Variants in CDH11 observed in about 807,000 individuals in gnomAD.
The protein encoded by CDH11 is cadherin 11.
Under a neutral mutation model 67.8 loss-of-function variants are expected in CDH11, and 11 were observed. The ratio of observed to expected loss-of-function variants is 0.16; its 90% CI spans 0.10 to 0.27. The LOEUF is 0.27. Ranked by LOEUF, CDH11 falls within the 10% of genes least tolerant of loss-of-function variation. The probability of loss-of-function intolerance (pLI) is 1.00; values close to 1 mark genes in which losing one functional copy is unlikely to be tolerated. For synonymous variants in CDH11, 419 were observed against 400.0 expected (o/e 1.05, Z -0.57); for missense variants, 847 against 1,031.2 (o/e 0.82, Z 2.45).
At chr16:65,022,371 T>C (rs1432778868) in intron 2 of CDH11, among the ~76,000 whole-genome samples, 1 of 152,144 alleles carries the variant, frequency 6.6e-6, no homozygotes, top group African/African-American at 2.4e-5. Flanking sequence ...CCAAATTATC[T>C]CTCTGACAAA....
chr16:65,111,783 T>G (rs931881942), intron 1 of CDH11, among the ~76,000 whole-genome samples: 2 of 151,510 alleles, frequency 1.3e-5, no homozygotes, highest in Non-Finnish European at 2.9e-5. Flanking sequence ...TAAAAATGAA[T>G]AATTGCAACA....
intron 1 of CDH11, among the ~76,000 whole-genome samples, chr16:65,099,106 G>C (rs531420148): frequency 2.0e-5 from 3 of 152,198 alleles, no homozygotes; most frequent in African/African-American, 7.2e-5. Context: ...ATGATGACTT[G>C]TGAAATGGAA....
chr16:65,120,884 G>A (rs1025496997), intron 1 of CDH11, among the ~76,000 whole-genome samples: 10 of 152,282 alleles, frequency 6.6e-5, no homozygotes, highest in East Asian at 1.9e-4. Flanking sequence ...CGTGAGGCGG[G>A]CCCTCCTACA....
intron 2 of CDH11, among the ~76,000 whole-genome samples, chr16:65,029,088 A>G (rs919807989): frequency 3.3e-5 from 5 of 152,236 alleles, no homozygotes; most frequent in African/African-American, 1.2e-4. Context: ...CTCATGTTAA[A>G]TATTCTAACC....
Position 65,121,584 on chromosome 16 carries a change from T to C in CDH11, c.-298+296A>G, listed in dbSNP as rs896875435. 2.6e-5 allele frequency among the ~76,000 whole-genome samples: 4 copies of C among 152,152 alleles called. No individual in the cohort carries two copies. The highest frequency in any genetic ancestry group is 9.7e-5 in the African/African-American group (4 of 41,448). ...AGCCAGGTACAAACCCCCTCTGCTGTGGCCTCGGCGCAGACCCCACAGGAG... is the reference window on the plus strand; with the variant it reads ...AGCCAGGTACAAACCCCCTCTGCTGCGGCCTCGGCGCAGACCCCACAGGAG... On this transcript the variant is annotated intron_variant, in intron 1 of 12. Transcript: ENST00000268603. The surrounding 1 kb of genome is among the most constrained non-coding windows in gnomAD (Gnocchi z 4.1).
chr16:65,010,842 G>C (rs966574937), intron 2 of CDH11, among the ~76,000 whole-genome samples: 3 of 151,712 alleles, frequency 2.0e-5, no homozygotes. Context: ...CATAAAAGTA[G>C]ATACTATCCT....
At chr16:65,004,520 G>T in intron 3 of CDH11, 122 bp downstream of exon 3, 1 of 956,820 alleles carries the variant, frequency 1.0e-6, no homozygotes, top group Non-Finnish European at 1.5e-6. Flanking sequence ...GGTTTTACTG[G>T]CTCTTCAAGC....
chr16:65,085,652 G>A (rs907720728), intron 1 of CDH11, among the ~76,000 whole-genome samples: 3 of 152,102 alleles, frequency 2.0e-5, no homozygotes, highest in Admixed American at 6.5e-5. Flanking sequence ...AGATCCACTC[G>A]GTTCTGCTTT....
intron 2 of CDH11, among the ~76,000 whole-genome samples, chr16:65,051,820 A>T (rs1436466464): frequency 6.6e-6 from 1 of 152,160 alleles, no homozygotes; most frequent in Non-Finnish European, 1.5e-5. Flanking sequence ...TCCTTCCACC[A>T]TGATTCTAAG....
chr16:65,023,678 A>T (rs1434199089), intron 2 of CDH11, among the ~76,000 whole-genome samples: 1 of 152,066 alleles, frequency 6.6e-6, no homozygotes, highest in Non-Finnish European at 1.5e-5. Flanking sequence ...TGAGGGTTCC[A>T]CCCCTTTTTA....
At chr16:65,054,900 A>G (rs924366311) in intron 1 of CDH11, among the ~76,000 whole-genome samples, 5 of 152,282 alleles carry the variant, frequency 3.3e-5, no homozygotes, top group Non-Finnish European at 7.4e-5. Context: ...CGAACACCAT[A>G]CACAAAGCCT....
intron 2 of CDH11, among the ~76,000 whole-genome samples, chr16:65,022,359 A>G (rs1421186488): frequency 6.6e-6 from 1 of 152,196 alleles, no homozygotes; most frequent in Non-Finnish European, 1.5e-5. Flanking sequence ...AGATAGGTGG[A>G]TCCAAATTAT....
intron 2 of CDH11, among the ~76,000 whole-genome samples, chr16:65,025,392 A>G (rs2073512591): frequency 6.6e-6 from 1 of 152,084 alleles, no homozygotes; most frequent in African/African-American, 2.4e-5. Flanking sequence ...GCTGGAGTGC[A>G]GTGGCGCGAT....
rs1423091164 is a variant in CDH11 at position 65,099,738 on chromosome 16, A to G, written c.-298+22142T>C. On this transcript the variant is annotated intron_variant, in intron 1 of 12. Transcript: ENST00000268603. Reference sequence around the variant, plus strand: ...ATTCACAAGATTATTTAAGTCCTTCATCCAGTCTTGACAGAAGCTAGACGA... The same window carrying G: ...ATTCACAAGATTATTTAAGTCCTTCGTCCAGTCTTGACAGAAGCTAGACGA... Among the ~76,000 whole-genome samples the G allele has an allele frequency of 2.0e-5, 3 of 152,168 alleles. No homozygotes were observed. In the East Asian group the frequency reaches 5.8e-4, roughly 29 times the overall value.
Position 65,049,988 on chromosome 16 carries a change from A to G in CDH11, c.-173+3816T>C, listed in dbSNP as rs114784260. On this transcript the variant is annotated intron_variant, in intron 2 of 12. Coordinates refer to ENST00000268603, the MANE Select transcript of CDH11 (RefSeq NM_001797.4). ...TTCTGCAGCACAGGTGAGCTGCCCC[A>G]GAAGCAGCTTTCTGGGATTCACTCC... Among the ~76,000 whole-genome samples the G allele has an allele frequency of 4.0e-3, 609 of 152,272 alleles. 3 individuals are homozygous for G. The highest frequency in any genetic ancestry group is 0.014 in the African/African-American group (567 of 41,560).
At chr16:65,098,515 AGTGT>A (rs35258390) in intron 1 of CDH11, among the ~76,000 whole-genome samples, 138 of 148,428 alleles carry the variant, frequency 9.3e-4, no homozygotes, top group Middle Eastern at 3.5e-3. Flanking sequence ...TGTGTCTTCA[AGTGT>A]GTGTGTGTGT....
intron 1 of CDH11, among the ~76,000 whole-genome samples, chr16:65,103,107 G>A (rs2075019515): frequency 6.6e-6 from 1 of 152,092 alleles, no homozygotes; most frequent in African/African-American, 2.4e-5. Context: ...CCTCCTGGGT[G>A]CTCATATTTT....
chr16:64,967,119 C>T (rs752211012), intron 11 of CDH11, among the ~76,000 whole-genome samples: 13 of 152,166 alleles, frequency 8.5e-5, no homozygotes, highest in Non-Finnish European at 1.6e-4. Flanking sequence ...TAAAACCTCA[C>T]CTGTTTTACC....
intron 1 of CDH11, among the ~76,000 whole-genome samples, chr16:65,085,921 T>G (rs954628802): frequency 2.0e-5 from 3 of 152,250 alleles, no homozygotes; most frequent in Non-Finnish European, 4.4e-5. Flanking sequence ...ATTCTTTAGC[T>G]TTTCAAAAAG....
Sources: gnomAD v4.1 joint callset for allele counts (sites outside exome capture counted in the v4.1 genomes callset) on GRCh38, gnomAD v4.1.1 for gene constraint, Gnocchi (gnomAD v3.1) non-coding constraint, MANE v1.5 for transcripts, NCBI Gene and HGNC (gene_info 2026-07-23, HGNC 2026-07-21) for gene names.